The following DGKB variants were observed in gnomAD, a reference collection of about 807,000 sequenced individuals.
The protein encoded by DGKB is 90 kDa diacylglycerol kinase.
Under a neutral mutation model 114.3 loss-of-function variants are expected in DGKB, and 67 were observed. That is an observed-to-expected ratio of 0.59 (90% confidence interval 0.48 to 0.72). The LOEUF is 0.72. Among genes scored for constraint, DGKB ranks in the 30% least tolerant of loss-of-function variants. The pLI is 0.00. For synonymous variants in DGKB, 398 were observed against 323.1 expected, an observed-to-expected ratio of 1.23 and a Z score of -2.49; for missense variants, 907 against 975.2, an observed-to-expected ratio of 0.93 and a Z score of 0.93.
At chr7:14,843,212 G>T in intron 1 of DGKB, among the ~76,000 whole-genome samples, 1 of 132,060 alleles carries the variant, frequency 7.6e-6, no homozygotes. Flanking sequence ...GCAAGATTCT[G>T]TCTTAAAAAA....
chr7:14,510,295 A>C lies in DGKB; in HGVS notation c.1771-32070T>G, dbSNP rs2128974239. On this transcript the variant is annotated intron_variant, in intron 20 of 25. Transcript: ENST00000402815. ...TTTCAAAACTGGGGTCAGTCTTCTT[A>C]AATCTTGCTGCTGCTTTACCAACTA... Among the ~76,000 whole-genome samples, 3 of 152,276 alleles carry C rather than the reference A, an allele frequency of 2.0e-5. No individual in the cohort carries two copies. The South Asian group carries it at 6.2e-4, about 32-fold the overall frequency.
intron 23 of DGKB, among the ~76,000 whole-genome samples, chr7:14,310,924 T>A (rs1805283677): frequency 6.6e-6 from 1 of 151,912 alleles, no homozygotes; most frequent in African/African-American, 2.4e-5. Flanking sequence ...AGACCAAGAG[T>A]TTGAGACTAG....
At chr7:14,638,320 TC>T (rs1477918117) in intron 13 of DGKB, among the ~76,000 whole-genome samples, 2 of 152,312 alleles carry the variant, frequency 1.3e-5, no homozygotes, top group Middle Eastern at 3.4e-3. Context: ...TAACATTTCC[TC>T]ATCATCACAC....
chr7:14,614,746 A>G (rs1490732164), intron 15 of DGKB, among the ~76,000 whole-genome samples: 1 of 152,110 alleles, frequency 6.6e-6, no homozygotes, highest in African/African-American at 2.4e-5. Flanking sequence ...TAATTTTTCT[A>G]TTCATATCCA....
At chr7:14,843,612 G>A (rs1336065941) in intron 1 of DGKB, among the ~76,000 whole-genome samples, 3 of 152,100 alleles carry the variant, frequency 2.0e-5, no homozygotes, top group East Asian at 1.9e-4. Context: ...GGGATTACAG[G>A]CGTGAGCCAC....
intron 1 of DGKB, among the ~76,000 whole-genome samples, chr7:14,868,403 C>T (rs542390601): frequency 1.8e-4 from 27 of 149,586 alleles, no homozygotes; most frequent in Admixed American, 4.0e-4. Context: ...TGGAGGATCT[C>T]GGCTCACTGC....
chr7:14,564,764 CT>C (rs1401758943), intron 20 of DGKB, among the ~76,000 whole-genome samples: 1 of 150,346 alleles, frequency 6.7e-6, no homozygotes, highest in African/African-American at 2.4e-5. Flanking sequence ...CTTTTTTTTT[CT>C]TTTTTGCTTA....
intron 25 of DGKB, among the ~76,000 whole-genome samples, chr7:14,165,225 C>G (rs1488547942): frequency 6.6e-6 from 1 of 152,048 alleles, no homozygotes; most frequent in African/African-American, 2.4e-5. Flanking sequence ...TTGCAGATGC[C>G]AACTTTCTCA....
chr7:14,954,221 G>T (rs1415668875), intron 1 of DGKB, among the ~76,000 whole-genome samples: 1 of 152,010 alleles, frequency 6.6e-6, no homozygotes, highest in Non-Finnish European at 1.5e-5. Context: ...TCCGTGCTGA[G>T]ATTCTGCATT....
At chr7:14,568,962 ATGC>A (rs1160985925) in intron 20 of DGKB, among the ~76,000 whole-genome samples, 2 of 152,318 alleles carry the variant, frequency 1.3e-5, no homozygotes, top group East Asian at 1.9e-4. Flanking sequence ...AAGCTTTTTC[ATGC>A]TGTTATAGCA....
intron 25 of DGKB, among the ~76,000 whole-genome samples, chr7:14,163,793 G>A (rs1003949500): frequency 6.6e-6 from 1 of 152,104 alleles, no homozygotes; most frequent in African/African-American, 2.4e-5. Context: ...TCAGGAATTC[G>A]AGACCAGCCT....
chr7:14,672,372 T>C (rs985554451), intron 13 of DGKB, among the ~76,000 whole-genome samples: 1 of 152,138 alleles, frequency 6.6e-6, no homozygotes, highest in Admixed American at 6.6e-5. Flanking sequence ...TTTTCATAGT[T>C]ACTTTACTCA....
At chr7:14,417,867 A>T (rs1825955156) in intron 21 of DGKB, among the ~76,000 whole-genome samples, 1 of 151,792 alleles carries the variant, frequency 6.6e-6, no homozygotes, top group Non-Finnish European at 1.5e-5. Context: ...GCAGTAAAAA[A>T]GGAGAGAAAA....
intron 13 of DGKB, among the ~76,000 whole-genome samples, chr7:14,641,375 C>CTGT (rs1811769554): frequency 6.6e-6 from 1 of 151,824 alleles, no homozygotes; most frequent in Admixed American, 6.6e-5. Flanking sequence ...TTTGTTGTTG[C>CTGT]TGTTGTTACT....
intron 13 of DGKB, among the ~76,000 whole-genome samples, chr7:14,671,543 T>G (rs546220624): frequency 4.6e-5 from 7 of 152,266 alleles, no homozygotes; most frequent in African/African-American, 1.7e-4. Context: ...CTCTTTACAT[T>G]TGATTCTCTC....
At chr7:14,882,501 G>T (rs1476670881) in intron 1 of DGKB, among the ~76,000 whole-genome samples, 1 of 151,986 alleles carries the variant, frequency 6.6e-6, no homozygotes, top group Admixed American at 6.6e-5. Flanking sequence ...TGCATAGATT[G>T]TGTAGTGGTC....
At chr7:14,709,975 AAAAAG>A (rs1196553905) in intron 6 of DGKB, among the ~76,000 whole-genome samples, 6 of 151,818 alleles carry the variant, frequency 4.0e-5, no homozygotes, top group East Asian at 1.9e-4. Context: ...ATTAAAAAAA[AAAAAG>A]AAAAGAAAAG....
chr7:14,170,153 GAAAGAAAGAAAGAA>G lies in DGKB; in HGVS notation c.2304+6672_2304+6685del, dbSNP rs1312651439. On this transcript the variant is annotated intron_variant, in intron 25 of 25. Coordinates refer to ENST00000402815, the MANE Select transcript of DGKB (RefSeq NM_001350709.2). ...CCATCTCAAAAAAAAAAAAAAGAAA[GAAAGAAAGAAAGAA>G]AGAAAGAAAGAAAGAAAGAAAGAAA... Among the ~76,000 whole-genome samples the G allele has an allele frequency of 6.3e-3, 302 of 47,564 alleles. 9 individuals are homozygous for G. Among genetic ancestry groups the G allele is most frequent in the African/African-American group, 0.038 (230 of 6,078 alleles). The allele number at this position is 47,564 out of a possible 152,430, so 31.2% of individuals were successfully genotyped here. A position where few individuals can be genotyped will look rare whatever the true frequency, so the allele number is the denominator to read the frequency against.
At chr7:14,244,351 A>C (rs38291) in intron 23 of DGKB, among the ~76,000 whole-genome samples, 1 of 151,898 alleles carries the variant, frequency 6.6e-6, no homozygotes, top group Admixed American at 6.6e-5. Context: ...CCTGATCCTC[A>C]ACGTGATATT....
Sources: gnomAD v4.1 joint callset for allele counts (sites outside exome capture counted in the v4.1 genomes callset) on GRCh38, gnomAD v4.1.1 for gene constraint, MANE v1.5 for transcripts, NCBI Gene and HGNC (gene_info 2026-07-23, HGNC 2026-07-21) for gene names.